ACYP2: variants seen among roughly 807,000 people sequenced by gnomAD.
ACYP2 encodes the protein acylphosphatase 2.
In ACYP2, 12 loss-of-function variants were observed where a neutral mutation model predicts 11.2. The observed-to-expected ratio is 1.08, with a 90% CI of 0.69 to 1.74. The LOEUF (loss-of-function observed/expected upper bound fraction) is 1.74. Among genes scored for constraint, ACYP2 ranks in the 40% most tolerant of loss-of-function variants. The pLI is 0.00. For synonymous variants in ACYP2, 43 were observed against 32.2 expected (o/e 1.33, Z -1.13); for missense variants, 134 against 101.9 (o/e 1.31, Z -1.35).
At chr2:54,172,936 C>CA (rs1683278098) in intron 6 of ACYP2, among the ~76,000 whole-genome samples, 1 of 152,176 alleles carries the variant, frequency 6.6e-6, no homozygotes. Flanking sequence ...TTTCTTAATC[C>CA]ACTCTATCAT....
intron 2 of ACYP2, among the ~76,000 whole-genome samples, chr2:54,004,656 C>T (rs532764828): frequency 5.9e-5 from 9 of 151,826 alleles, no homozygotes; most frequent in East Asian, 1.9e-4. Flanking sequence ...GTGATCGGCC[C>T]GCCTTGGCCT....
At chr2:54,269,276 G>T (rs996373389) in intron 6 of ACYP2, among the ~76,000 whole-genome samples, 1 of 152,162 alleles carries the variant, frequency 6.6e-6, no homozygotes, top group African/African-American at 2.4e-5. Context: ...TCTAAACAAT[G>T]CCTTTTACAT....
At chr2:53,978,810 C>T (rs960650889) in intron 2 of ACYP2, among the ~76,000 whole-genome samples, 2 of 152,130 alleles carry the variant, frequency 1.3e-5, no homozygotes, top group African/African-American at 4.8e-5. Context: ...GTGGTCCCAG[C>T]TACTCAGGAG....
chr2:54,207,975 T>A (rs1326616396), intron 6 of ACYP2, among the ~76,000 whole-genome samples: 2 of 152,134 alleles, frequency 1.3e-5, no homozygotes, highest in African/African-American at 4.8e-5. Context: ...ATTTCTGCAA[T>A]CCTAAGCCTG....
chr2:54,031,039 A>C (rs527808545), intron 2 of ACYP2, among the ~76,000 whole-genome samples: 1 of 152,326 alleles, frequency 6.6e-6, no homozygotes, highest in South Asian at 2.1e-4. Flanking sequence ...GCGCAGACAC[A>C]ATGTGACATG....
chr2:54,181,843 C>G (rs1473552276), intron 6 of ACYP2, among the ~76,000 whole-genome samples: 2 of 151,944 alleles, frequency 1.3e-5, no homozygotes, highest in African/African-American at 4.8e-5. Context: ...AATTTTTACC[C>G]CACTGCTATG....
intron 2 of ACYP2, among the ~76,000 whole-genome samples, chr2:54,037,678 G>A (rs375200697): frequency 2.5e-4 from 38 of 152,136 alleles, no homozygotes; most frequent in African/African-American, 8.9e-4. Context: ...AAAGTGCTGG[G>A]ATTACAGGGG....
intron 6 of ACYP2, among the ~76,000 whole-genome samples, chr2:54,184,290 T>C (rs1438066627): frequency 2.0e-5 from 3 of 152,174 alleles, no homozygotes; most frequent in African/African-American, 7.2e-5. Flanking sequence ...ATATTTAGCA[T>C]TGTGGGTTGC....
intron 6 of ACYP2, among the ~76,000 whole-genome samples, chr2:54,242,526 TAC>T (rs751034829): frequency 3.3e-5 from 5 of 152,230 alleles, no homozygotes; most frequent in Non-Finnish European, 7.3e-5. Flanking sequence ...GTAAAATATA[TAC>T]AGTCATATGC....
At chr2:54,199,222 C>T (rs1465143131) in intron 6 of ACYP2, among the ~76,000 whole-genome samples, 1 of 152,170 alleles carries the variant, frequency 6.6e-6, no homozygotes, top group African/African-American at 2.4e-5. Context: ...CTTCTAGGCT[C>T]ACTAAGCTCC....
chr2:54,176,646 G>A (rs1683471925), intron 6 of ACYP2, among the ~76,000 whole-genome samples: 1 of 152,162 alleles, frequency 6.6e-6, no homozygotes, highest in Non-Finnish European at 1.5e-5. Context: ...ACATCTTAGT[G>A]GATGTTGTAG....
intron 2 of ACYP2, among the ~76,000 whole-genome samples, chr2:54,004,709 C>T (rs1672972164): frequency 6.6e-6 from 1 of 151,842 alleles, no homozygotes; most frequent in South Asian, 2.1e-4. Context: ...CGCGCTCAGC[C>T]AGTTTACCCA....
At chr2:54,253,004 G>C (rs1397552125) in intron 6 of ACYP2, among the ~76,000 whole-genome samples, 1 of 151,966 alleles carries the variant, frequency 6.6e-6, no homozygotes, top group Non-Finnish European at 1.5e-5. Context: ...CATGAGGTCA[G>C]GAGTTCAAGA....
In ACYP2 at chr2:53,995,502, T is replaced by TTATTTATG. The variant is rs1672533434; in HGVS notation, c.62+21699_62+21700insGTATTTAT. On this transcript the variant is annotated intron_variant, in intron 2 of 6. Transcript: ENST00000607452. ...ATTTATTTATTTTTTATTTATTTAT[T>TTATTTATG]TATTTATTTATTTATTTTTGAGACA... Among the ~76,000 whole-genome samples, 6 of 150,582 alleles carry TTATTTATG rather than the reference T, an allele frequency of 4.0e-5. No homozygotes were observed. The South Asian group carries it at 1.0e-3, about 26-fold the overall frequency.
chr2:54,286,203 A>G (rs1053652995), intron 6 of ACYP2, among the ~76,000 whole-genome samples: 1 of 152,110 alleles, frequency 6.6e-6, no homozygotes, highest in Middle Eastern at 3.4e-3. Flanking sequence ...GACCAACCCT[A>G]TAGCTGGGCT....
intron 4 of ACYP2, among the ~76,000 whole-genome samples, chr2:54,101,630 C>G (rs573274513): frequency 1.4e-5 from 2 of 146,910 alleles, no homozygotes; most frequent in African/African-American, 5.0e-5. Context: ...GCCAAGATTG[C>G]GCCATTGCAA....
intron 6 of ACYP2, among the ~76,000 whole-genome samples, chr2:54,288,617 TCTC>T (rs1689178449): frequency 6.6e-6 from 1 of 152,180 alleles, no homozygotes; most frequent in East Asian, 1.9e-4. Flanking sequence ...TATAAATTGA[TCTC>T]CTAGGAAATC....
chr2:54,250,814 C>T (rs1687188870), intron 6 of ACYP2, among the ~76,000 whole-genome samples: 1 of 152,114 alleles, frequency 6.6e-6, no homozygotes, highest in Non-Finnish European at 1.5e-5. Context: ...CATTATAATT[C>T]TATAGAAGTT....
At chr2:54,241,564 T>TC (rs972332294) in intron 6 of ACYP2, among the ~76,000 whole-genome samples, 2 of 152,154 alleles carry the variant, frequency 1.3e-5, no homozygotes, top group African/African-American at 4.8e-5. Context: ...GTTTTTTTTT[T>TC]CTCCTCCATG....
Sources: gnomAD v4.1 joint callset for allele counts (sites outside exome capture counted in the v4.1 genomes callset) on GRCh38, gnomAD v4.1.1 for gene constraint, MANE v1.5 for transcripts, NCBI Gene and HGNC (gene_info 2026-07-23, HGNC 2026-07-21) for gene names.